Variants in RGS7 observed in about 807,000 individuals in gnomAD.
RGS7 encodes the protein regulator of G-protein signaling 7.
RGS7 carries 27 observed loss-of-function variants against 81.1 expected under a neutral mutation model. The observed-to-expected ratio is 0.33, with a 90% CI of 0.25 to 0.46. RGS7 has a LOEUF of 0.46. Ranked by LOEUF, RGS7 falls within the 20% of genes least tolerant of loss-of-function variation. The pLI is 1.00. For synonymous variants in RGS7, 208 were observed against 207.7 expected (o/e 1.00, Z -0.01); for missense variants, 396 against 607.4 (o/e 0.65, Z 3.66).
chr1:241,206,293 C>T (rs560452640), intron 2 of RGS7, among the ~76,000 whole-genome samples: 1 of 149,032 alleles, frequency 6.7e-6, no homozygotes, highest in East Asian at 2.0e-4. Context: ...CAGTGGCGCT[C>T]GGCTCACTGC....
At chr1:241,039,399 C>G (rs544206752) in intron 3 of RGS7, among the ~76,000 whole-genome samples, 1 of 152,266 alleles carries the variant, frequency 6.6e-6, no homozygotes, top group African/African-American at 2.4e-5. Context: ...CTGGAAGGAT[C>G]TTATTCGTTG....
At chr1:240,788,673 T>G (rs181906094) in intron 18 of RGS7, among the ~76,000 whole-genome samples, 1 of 152,200 alleles carries the variant, frequency 6.6e-6, no homozygotes, top group African/African-American at 2.4e-5. Context: ...TGGGAATACT[T>G]CTATTTGTGT....
chr1:241,025,794 G>A (rs1348003552), intron 3 of RGS7, among the ~76,000 whole-genome samples: 1 of 152,192 alleles, frequency 6.6e-6, no homozygotes, highest in South Asian at 2.1e-4. Flanking sequence ...GGTACTGAAG[G>A]GAAATGCAGA....
chr1:240,996,652 C>CT (rs764654854), intron 3 of RGS7, among the ~76,000 whole-genome samples: 1 of 152,046 alleles, frequency 6.6e-6, no homozygotes, highest in African/African-American at 2.4e-5. Context: ...CACAACACAT[C>CT]TTTTTTCTAT....
intron 2 of RGS7, among the ~76,000 whole-genome samples, chr1:241,334,362 G>A (rs1033131282): frequency 4.6e-5 from 7 of 152,128 alleles, no homozygotes; most frequent in Non-Finnish European, 7.3e-5. Context: ...AGAGCAATGG[G>A]GATGGGGAAA....
rs538618039 is a variant in RGS7, at chr1:240,967,573, G to C, written c.226+15506C>G. ...AAAGTGATTGTGCCAAGAAGTGGGGGGGGGGGGGAAAAGGCTGTAGCAAGA... is the reference window on the plus strand; with the variant it reads ...AAAGTGATTGTGCCAAGAAGTGGGGCGGGGGGGGAAAAGGCTGTAGCAAGA... On this transcript the variant is annotated intron_variant, in intron 4 of 18. Transcript: ENST00000440928. Among the ~76,000 whole-genome samples, 4 of 131,224 alleles carry C rather than the reference G, an allele frequency of 3.0e-5. 1 individual carries two copies. Among genetic ancestry groups the C allele is most frequent in the Admixed American group, 1.5e-4 (2 of 12,966 alleles). The allele number at this position is 131,224 out of a possible 152,430, so 86.1% of individuals were successfully genotyped here.
At chr1:241,067,494 G>A (rs1330508629) in intron 3 of RGS7, among the ~76,000 whole-genome samples, 1 of 150,190 alleles carries the variant, frequency 6.7e-6, no homozygotes, top group Non-Finnish European at 1.5e-5. Context: ...GAACATTCAA[G>A]TAAAATACAG....
chr1:241,266,008 G>C (rs1328236074), intron 2 of RGS7, among the ~76,000 whole-genome samples: 1 of 151,958 alleles, frequency 6.6e-6, no homozygotes, highest in Non-Finnish European at 1.5e-5. Context: ...TGGTCAGGCT[G>C]GTCTCGAACT....
In RGS7 at chr1:240,822,468, G is replaced by A. The variant is rs142246883; in HGVS notation, c.684+4630C>T. Among the ~76,000 whole-genome samples, 319 of 152,196 alleles carry A rather than the reference G, an allele frequency of 2.1e-3. 1 individual carries two copies. The highest frequency in any genetic ancestry group is 6.8e-3 in the African/African-American group (284 of 41,502). ...AACAAAATTTCACAAACATCTTCAC[G>A]TTTCTAATAATAATGCACAAAATAT... On this transcript the variant is annotated intron_variant, in intron 10 of 18. Transcript: ENST00000440928.
intron 6 of RGS7, among the ~76,000 whole-genome samples, chr1:240,915,762 C>T (rs931874100): frequency 4.6e-5 from 7 of 151,470 alleles, no homozygotes; most frequent in African/African-American, 4.9e-5. Flanking sequence ...GAGAACCAGA[C>T]TAAATATGGA....
chr1:241,252,654 C>T (rs2076889797), intron 2 of RGS7, among the ~76,000 whole-genome samples: 1 of 152,190 alleles, frequency 6.6e-6, no homozygotes, highest in African/African-American at 2.4e-5. Context: ...AGACCATCCT[C>T]AGGTCTCCTG....
intron 2 of RGS7, among the ~76,000 whole-genome samples, chr1:241,100,232 G>A (rs887470165): frequency 6.6e-5 from 10 of 152,036 alleles, no homozygotes; most frequent in South Asian, 2.1e-4. Context: ...AAAATTAGCC[G>A]GGCGCGGTGG....
chr1:240,792,303 A>C (rs1174684190), intron 18 of RGS7, among the ~76,000 whole-genome samples: 2 of 152,124 alleles, frequency 1.3e-5, no homozygotes, highest in Admixed American at 1.3e-4. Flanking sequence ...TTGCCACCCA[A>C]GTTTTTGTTA....
At chr1:240,984,143 G>T (rs895300387) in intron 3 of RGS7, among the ~76,000 whole-genome samples, 1 of 152,178 alleles carries the variant, frequency 6.6e-6, no homozygotes, top group Non-Finnish European at 1.5e-5. Flanking sequence ...AGTATATTCA[G>T]CAGGTCTTGA....
At chr1:240,998,747 C>A (rs933071937) in intron 3 of RGS7, 5 of 803,436 alleles carry the variant, frequency 6.2e-6, no homozygotes, top group African/African-American at 3.4e-5. Context: ...CATCATCGTG[C>A]GGAATGAGGG....
At chr1:241,174,278 C>T (rs1244607502) in intron 2 of RGS7, among the ~76,000 whole-genome samples, 1 of 152,214 alleles carries the variant, frequency 6.6e-6, no homozygotes, top group South Asian at 2.1e-4. Context: ...TACTGAAGCA[C>T]CCCACCACCT....
intron 4 of RGS7, among the ~76,000 whole-genome samples, chr1:240,954,699 G>GTGTC (rs1680077640): frequency 6.6e-6 from 1 of 152,142 alleles, no homozygotes; most frequent in African/African-American, 2.4e-5. Context: ...TAAGGCAAGA[G>GTGTC]TGTCCTCTTT....
chr1:241,230,927 G>A (rs948663066), intron 2 of RGS7, among the ~76,000 whole-genome samples: 1 of 152,178 alleles, frequency 6.6e-6, no homozygotes, highest in African/African-American at 2.4e-5. Context: ...CAAGATGCAA[G>A]TTAGTGCTTT....
At chr1:240,916,560 A>T (rs1045191220) in intron 6 of RGS7, among the ~76,000 whole-genome samples, 7 of 152,274 alleles carry the variant, frequency 4.6e-5, no homozygotes, top group African/African-American at 1.4e-4. Flanking sequence ...TTTAGAGATA[A>T]AGCCATTAAA....
Sources: allele counts gnomAD v4.1 joint callset (sites outside exome capture counted in the v4.1 genomes callset), GRCh38; gene constraint gnomAD v4.1.1; transcripts MANE v1.5; gene names NCBI Gene and HGNC (gene_info 2026-07-23, HGNC 2026-07-21).